Variants in TMEM170B observed in about 807,000 individuals in gnomAD.
TMEM170B encodes the protein transmembrane protein 170B.
TMEM170B carries 6 observed loss-of-function variants against 13.0 expected under a neutral mutation model. That is an observed-to-expected ratio of 0.46 (90% confidence interval 0.25 to 0.91). The LOEUF is 0.91. Among genes scored for constraint, TMEM170B ranks in the 40% least tolerant of loss-of-function variants. The pLI is 0.17. For synonymous variants in TMEM170B, 61 were observed against 64.9 expected (o/e 0.94, Z 0.29); for missense variants, 138 against 165.2 (o/e 0.84, Z 0.90).
chr6:11,567,696 A>T (rs1192330317), intron 2 of TMEM170B, among the ~76,000 whole-genome samples: 2 of 152,136 alleles, frequency 1.3e-5, no homozygotes, highest in East Asian at 3.9e-4. Context: ...GATGATATGG[A>T]TGGTACCTCA....
chr6:11,568,711 G>A (rs952612879), intron 2 of TMEM170B, among the ~76,000 whole-genome samples: 1 of 152,128 alleles, frequency 6.6e-6, no homozygotes, highest in South Asian at 2.1e-4. Context: ...GCAAACAGGT[G>A]AATTAGGAAA....
At position 11,564,876 on chromosome 6, in the gene TMEM170B, C is replaced by T. The variant is rs1412476199; in HGVS notation, c.98-790C>T. Among the ~76,000 whole-genome samples the T allele has an allele frequency of 4.6e-5, 7 of 152,180 alleles. No individual in the cohort carries two copies. In the East Asian group the frequency reaches 5.8e-4, roughly 13 times the overall value. The stretch of plus-strand genomic sequence containing the variant: ...AGGGAACGATTGGCCCAGCTTGGAT[C>T]GATTGCCTTTCTTTCCACCCTCACT... On this transcript the variant is annotated intron_variant, in intron 1 of 2. Transcript: ENST00000379426.
intron 1 of TMEM170B, among the ~76,000 whole-genome samples, chr6:11,542,679 A>G (rs1440770996): frequency 1.3e-5 from 2 of 152,186 alleles, no homozygotes; most frequent in African/African-American, 2.4e-5. Context: ...AAGTGATAAT[A>G]TTCTGATGGG....
intron 2 of TMEM170B, among the ~76,000 whole-genome samples, chr6:11,571,476 A>G (rs950699686): frequency 5.3e-5 from 8 of 152,078 alleles, no homozygotes; most frequent in Non-Finnish European, 1.2e-4. Flanking sequence ...GTAGTTTTGT[A>G]TATTTTACTC....
intron 1 of TMEM170B, among the ~76,000 whole-genome samples, chr6:11,544,644 TGG>T (rs1759406923): frequency 6.6e-6 from 1 of 152,238 alleles, no homozygotes; most frequent in Non-Finnish European, 1.5e-5. Flanking sequence ...GACACTTGTA[TGG>T]GGATTCCATG....
chr6:11,552,304 A>AT (rs895302053), intron 1 of TMEM170B, among the ~76,000 whole-genome samples: 11 of 152,194 alleles, frequency 7.2e-5, no homozygotes, highest in Admixed American at 3.3e-4. Flanking sequence ...GATAACCCAG[A>AT]TTTTTTTTAA....
Position 11,580,993 on chromosome 6 carries a change from AGGTT to A in TMEM170B, c.*5434_*5437del, listed in dbSNP as rs939854183. ...TGTAGGCAGTACAGTGTTGTTAGGG[AGGTT>A]GCTGAATTATCTAAAAATGTATCCA... On this transcript the variant is annotated 3_prime_UTR_variant, in exon 3 of 3. Coordinates refer to ENST00000379426, the MANE Select transcript of TMEM170B (RefSeq NM_001100829.3). The A allele has an allele frequency of 2.6e-5, 4 of 152,150 alleles. No homozygotes were observed. Among genetic ancestry groups the A allele is most frequent in the African/African-American group, 9.7e-5 (4 of 41,422 alleles). The allele number at this position is 152,150 out of a possible 1,614,324, so 9.4% of individuals were successfully genotyped here. A position where few individuals can be genotyped will look rare whatever the true frequency, so the allele number is the denominator to read the frequency against.
rs1029656958 is a variant in TMEM170B, at chr6:11,538,040, C to T, written c.-238C>T. Among the ~76,000 whole-genome samples the T allele has an allele frequency of 2.6e-5, 4 of 151,252 alleles. No homozygotes were observed. Among genetic ancestry groups the T allele is most frequent in the Non-Finnish European group, 5.9e-5 (4 of 67,646 alleles). Reference sequence around the variant, plus strand: ...GCCCGGCCCCCTCCCCTCCTTCCTCCGTCCGCCGTCCTCAATGTCTCCCCG... The same window carrying T: ...GCCCGGCCCCCTCCCCTCCTTCCTCTGTCCGCCGTCCTCAATGTCTCCCCG... On this transcript the variant is annotated 5_prime_UTR_variant, in exon 1 of 3. Coordinates refer to ENST00000379426, the MANE Select transcript of TMEM170B (RefSeq NM_001100829.3).
chr6:11,552,655 A>G (rs989945981), intron 1 of TMEM170B, among the ~76,000 whole-genome samples: 1 of 152,198 alleles, frequency 6.6e-6, no homozygotes, highest in Non-Finnish European at 1.5e-5. Context: ...GGGAAAAGCT[A>G]TACATATTTA....
rs1306709775 is a variant in TMEM170B at position 11,579,537 on chromosome 6, C to T, written c.*3976C>T. 2.0e-5 allele frequency: 3 copies of T among 152,166 alleles called. No individual in the cohort carries two copies. Among genetic ancestry groups the T allele is most frequent in the African/African-American group, 7.2e-5 (3 of 41,432 alleles). 9.4% of individuals were successfully genotyped at this position (152,166 alleles called of 1,614,324 possible). On this transcript the variant is annotated 3_prime_UTR_variant, in exon 3 of 3. Coordinates refer to ENST00000379426, the MANE Select transcript of TMEM170B (RefSeq NM_001100829.3). Reference sequence around the variant, plus strand: ...TTGTTTCATTTCTATATTTTCCTTACATATGCTTTAGGAAAGAAACTAAAA... The same window carrying T: ...TTGTTTCATTTCTATATTTTCCTTATATATGCTTTAGGAAAGAAACTAAAA...
intron 1 of TMEM170B, among the ~76,000 whole-genome samples, chr6:11,552,041 C>T (rs1042651636): frequency 1.3e-5 from 2 of 152,138 alleles, no homozygotes; most frequent in Non-Finnish European, 2.9e-5. Context: ...TGGAACTGTT[C>T]ATACAGATCC....
At chr6:11,562,902 C>G (rs1244465624) in intron 1 of TMEM170B, among the ~76,000 whole-genome samples, 1 of 152,188 alleles carries the variant, frequency 6.6e-6, no homozygotes, top group Non-Finnish European at 1.5e-5. Flanking sequence ...ACCATACCCT[C>G]CTTCCTTTTT....
rs1054612759 is a variant in TMEM170B at position 11,576,747 on chromosome 6, T to C, written c.*1186T>C. Reference sequence around the variant, plus strand: ...AGTAGATAATTTTAAAATTTGGCAATTAGTCTCAGCATATCAATGCAGTAC... The same window carrying C: ...AGTAGATAATTTTAAAATTTGGCAACTAGTCTCAGCATATCAATGCAGTAC... On this transcript the variant is annotated 3_prime_UTR_variant, in exon 3 of 3. Transcript: ENST00000379426. 6.6e-6 allele frequency: 1 copy of C among 152,152 alleles called. No homozygotes were observed. Among genetic ancestry groups the C allele is most frequent in the Non-Finnish European group, 1.5e-5 (1 of 67,976 alleles). 9.4% of individuals were successfully genotyped at this position (152,152 alleles called of 1,614,324 possible). A position where few individuals can be genotyped will look rare whatever the true frequency, so the allele number is the denominator to read the frequency against.
At chr6:11,565,890 T>C in intron 2 of TMEM170B, 54 bp downstream of exon 2, 1 of 1,552,620 alleles carries the variant, frequency 6.4e-7, no homozygotes, top group Non-Finnish European at 8.9e-7. Context: ...CTTACCATTT[T>C]GGTAGCTGTG....
At chr6:11,555,590 A>G (rs1286908534) in intron 1 of TMEM170B, among the ~76,000 whole-genome samples, 1 of 152,198 alleles carries the variant, frequency 6.6e-6, no homozygotes, top group African/African-American at 2.4e-5. Context: ...ATTGTGCCAT[A>G]TCTTTTTTTC....
chr6:11,538,479 G>T, intron 1 of TMEM170B, 105 bp downstream of exon 1: 1 of 852,790 alleles, frequency 1.2e-6, no homozygotes, highest in Non-Finnish European at 1.7e-6. Flanking sequence ...CCCCGTGCGC[G>T]CCCCGCTCGG....
chr6:11,559,033 C>A (rs12190208), intron 1 of TMEM170B, among the ~76,000 whole-genome samples: 1 of 151,994 alleles, frequency 6.6e-6, no homozygotes, highest in South Asian at 2.1e-4. Context: ...GCCATATAAT[C>A]TCTGTCTCAA....
chr6:11,560,941 C>G (rs1248976988), intron 1 of TMEM170B, among the ~76,000 whole-genome samples: 4 of 152,020 alleles, frequency 2.6e-5, no homozygotes, highest in Admixed American at 2.6e-4. Flanking sequence ...GCTTGGCAAC[C>G]AGAGCTGATG....
At chr6:11,561,691 A>G (rs1218461573) in intron 1 of TMEM170B, among the ~76,000 whole-genome samples, 3 of 152,186 alleles carry the variant, frequency 2.0e-5, no homozygotes, top group African/African-American at 4.8e-5. Context: ...CATTTTTTCC[A>G]TCATAAAGAG....
Sources: gnomAD v4.1 joint callset for allele counts (sites outside exome capture counted in the v4.1 genomes callset) on GRCh38, gnomAD v4.1.1 for gene constraint, MANE v1.5 for transcripts, NCBI Gene and HGNC (gene_info 2026-07-23, HGNC 2026-07-21) for gene names.